DGKB: variants seen among roughly 807,000 people sequenced by gnomAD.
The protein encoded by DGKB is diacylglycerol kinase beta, also known as 90 kDa diacylglycerol kinase.
Under a neutral mutation model 114.3 loss-of-function variants are expected in DGKB, and 67 were observed. That is an observed-to-expected ratio of 0.59 (90% CI 0.48 to 0.72). DGKB has a LOEUF of 0.72. Ranked by LOEUF, DGKB falls within the 30% of genes least tolerant of loss-of-function variation. The pLI is 0.00. For synonymous variants in DGKB, 398 were observed against 323.1 expected (o/e 1.23, Z -2.49); for missense variants, 907 against 975.2 (o/e 0.93, Z 0.93).
At chr7:14,237,748 G>A (rs941865817) in intron 23 of DGKB, among the ~76,000 whole-genome samples, 3 of 151,770 alleles carry the variant, frequency 2.0e-5, no homozygotes, top group Non-Finnish European at 2.9e-5. Context: ...TCTTGGCACC[G>A]AAAAATAGAT....
intron 6 of DGKB, among the ~76,000 whole-genome samples, chr7:14,713,713 G>C (rs1388397249): frequency 6.6e-6 from 1 of 150,600 alleles, no homozygotes; most frequent in African/African-American, 2.4e-5. Flanking sequence ...AAATCTCATA[G>C]TTTCTAAGGT....
At chr7:14,304,735 T>C (rs1452363784) in intron 23 of DGKB, among the ~76,000 whole-genome samples, 1 of 152,180 alleles carries the variant, frequency 6.6e-6, no homozygotes, top group Non-Finnish European at 1.5e-5. Context: ...TAAATTTTAA[T>C]GGAAATTTTG....
At chr7:14,386,605 G>C (rs1320508104) in intron 21 of DGKB, among the ~76,000 whole-genome samples, 1 of 152,206 alleles carries the variant, frequency 6.6e-6, no homozygotes, top group Non-Finnish European at 1.5e-5. Context: ...AGATAAGTGA[G>C]TAAGAAAGTG....
intron 23 of DGKB, among the ~76,000 whole-genome samples, chr7:14,277,510 T>C (rs1799208185): frequency 1.3e-5 from 2 of 152,314 alleles, no homozygotes; most frequent in Admixed American, 1.3e-4. Context: ...ACATGTGAAA[T>C]AATGCAGTAT....
intron 1 of DGKB, among the ~76,000 whole-genome samples, chr7:14,883,817 A>C (rs929153591): frequency 1.3e-5 from 2 of 152,070 alleles, no homozygotes; most frequent in Admixed American, 6.6e-5. Flanking sequence ...GTAGTGAAAG[A>C]AGCACATATA....
At chr7:14,648,512 C>G (rs1045513446) in intron 13 of DGKB, among the ~76,000 whole-genome samples, 24 of 150,988 alleles carry the variant, frequency 1.6e-4, no homozygotes, top group African/African-American at 4.1e-4. Flanking sequence ...CATCATCAAA[C>G]ACCAAAAGTA....
intron 21 of DGKB, among the ~76,000 whole-genome samples, chr7:14,385,905 G>A (rs1820265722): frequency 6.6e-6 from 1 of 152,086 alleles, no homozygotes; most frequent in African/African-American, 2.4e-5. Flanking sequence ...TTTTTGTTGG[G>A]GACAAAGTCA....
intron 25 of DGKB, among the ~76,000 whole-genome samples, chr7:14,169,641 AG>A (rs953781556): frequency 1.4e-4 from 21 of 152,264 alleles, no homozygotes; most frequent in East Asian, 7.7e-4. Flanking sequence ...TAAAATGAGG[AG>A]GCATTGAACT....
chr7:14,623,696 G>A (rs1046168532), intron 14 of DGKB, among the ~76,000 whole-genome samples: 3 of 152,106 alleles, frequency 2.0e-5, no homozygotes, highest in Non-Finnish European at 2.9e-5. Context: ...AATTCAAGTC[G>A]TTTGGAAAGT....
At chr7:14,630,678 C>T (rs891606797) in intron 13 of DGKB, among the ~76,000 whole-genome samples, 2 of 151,974 alleles carry the variant, frequency 1.3e-5, no homozygotes, top group South Asian at 2.1e-4. Context: ...CTTTTGAACA[C>T]AGACATAGCT....
At chr7:14,698,529 G>C (rs1824509275) in intron 7 of DGKB, among the ~76,000 whole-genome samples, 1 of 152,082 alleles carries the variant, frequency 6.6e-6, no homozygotes, top group Admixed American at 6.5e-5. Flanking sequence ...CTTGAAAATA[G>C]ATGTGAAAGG....
chr7:14,444,763 T>C (rs1198452871), intron 21 of DGKB, among the ~76,000 whole-genome samples: 1 of 151,880 alleles, frequency 6.6e-6, no homozygotes, highest in Non-Finnish European at 1.5e-5. Flanking sequence ...TATTGCCTAT[T>C]ACATTATAAA....
chr7:14,265,095 T>C (rs548172870), intron 23 of DGKB, among the ~76,000 whole-genome samples: 1 of 152,054 alleles, frequency 6.6e-6, no homozygotes, highest in East Asian at 1.9e-4. Flanking sequence ...CCCACCCAAA[T>C]TTATGCAACA....
Position 14,685,286 on chromosome 7 carries a change from T to G in DGKB, c.788A>C (p.Asn263Thr). Residue 263 changes from asparagine (N) to threonine (T), a missense_variant, in exon 10 of 26, where the codon AAC becomes ACC. Coordinates refer to ENST00000402815, the MANE Select transcript of DGKB (RefSeq NM_001350709.2). The stretch of plus-strand genomic sequence containing the variant: ...CTGCTTCCCCACGCCAATCAGCATG[T>G]TCAGGCAAAGGTTGCAATAGGCAGG... ...NKPAYCNLCL[N>T]MLIGVGKQGL... 1 of 1,613,864 alleles carries G rather than the reference T, an allele frequency of 6.2e-7. No homozygotes were observed.
intron 1 of DGKB, among the ~76,000 whole-genome samples, chr7:14,857,103 G>A (rs757394614): frequency 1.3e-5 from 2 of 152,126 alleles, no homozygotes; most frequent in Non-Finnish European, 1.5e-5. Flanking sequence ...TAAGTTCATC[G>A]AAAGAAGCTT....
chr7:14,704,447 C>CAAAAAAAAAA (rs774905779), intron 6 of DGKB, among the ~76,000 whole-genome samples: 1 of 53,456 alleles, frequency 1.9e-5, no homozygotes, highest in Non-Finnish European at 4.3e-5. Context: ...GACTCCATCT[C>CAAAAAAAAAA]AAAAAAAAAA....
intron 21 of DGKB, among the ~76,000 whole-genome samples, chr7:14,419,917 T>C (rs1826399009): frequency 6.6e-6 from 1 of 151,988 alleles, no homozygotes; most frequent in African/African-American, 2.4e-5. Flanking sequence ...AAAATAGACA[T>C]TGTGTCTGGC....
chr7:14,944,531 T>C (rs192765404), intron 1 of DGKB, among the ~76,000 whole-genome samples: 4 of 152,040 alleles, frequency 2.6e-5, no homozygotes, highest in Admixed American at 2.6e-4. Flanking sequence ...GAGAAGTAAA[T>C]CACATAATTT....
intron 23 of DGKB, among the ~76,000 whole-genome samples, chr7:14,208,637 A>G (rs1787227056): frequency 6.6e-6 from 1 of 152,044 alleles, no homozygotes; most frequent in South Asian, 2.1e-4. Context: ...AAATAATTCA[A>G]AACGAGAATA....
Sources: gnomAD v4.1 joint callset for allele counts (sites outside exome capture counted in the v4.1 genomes callset) on GRCh38, gnomAD v4.1.1 for gene constraint, MANE v1.5 for transcripts, NCBI Gene and HGNC (gene_info 2026-07-23, HGNC 2026-07-21) for gene names.